Variants in RBMS1 observed in about 807,000 individuals in gnomAD.
RBMS1 encodes the protein RNA binding motif single stranded interacting protein 1, also known as RNA-binding motif, single-stranded-interacting protein 1.
In RBMS1, 17 loss-of-function variants were observed where a neutral mutation model predicts 62.3. The ratio of observed to expected loss-of-function variants is 0.27; its 90% confidence interval spans 0.19 to 0.41. The LOEUF is 0.41. RBMS1 is among the 10% of genes least tolerant of loss of function. The pLI, the probability that RBMS1 is intolerant of heterozygous loss-of-function variation, is 1.00. For missense variants in RBMS1, 334 were observed against 504.5 expected (o/e 0.66, Z 3.24); for synonymous variants, 172 against 170.0 (o/e 1.01, Z -0.09).
At chr2:160,401,452 C>T (rs1695419925) in intron 1 of RBMS1, among the ~76,000 whole-genome samples, 1 of 152,164 alleles carries the variant, frequency 6.6e-6, no homozygotes, top group African/African-American at 2.4e-5. Context: ...CCAGGAAATG[C>T]TTTCTTCCTT....
intron 1 of RBMS1, among the ~76,000 whole-genome samples, chr2:160,465,460 T>C (rs970365598): frequency 6.6e-6 from 1 of 152,206 alleles, no homozygotes; most frequent in Non-Finnish European, 1.5e-5. Flanking sequence ...AGCACCGCTT[T>C]TTTGGTCATC....
chr2:160,379,603 G>A (rs143634225), intron 1 of RBMS1, among the ~76,000 whole-genome samples: 26 of 152,228 alleles, frequency 1.7e-4, no homozygotes, highest in Non-Finnish European at 3.4e-4. Flanking sequence ...GCAGGATCTG[G>A]GAAATGCTTT....
At chr2:160,299,402 A>C (rs1293817445) in intron 6 of RBMS1, among the ~76,000 whole-genome samples, 1 of 152,232 alleles carries the variant, frequency 6.6e-6, no homozygotes, top group Non-Finnish European at 1.5e-5. Flanking sequence ...TTATGTTCAC[A>C]AGTTTTGTTC....
chr2:160,477,008 C>A (rs1489774434), intron 1 of RBMS1, among the ~76,000 whole-genome samples: 1 of 152,218 alleles, frequency 6.6e-6, no homozygotes, highest in East Asian at 1.9e-4. Flanking sequence ...TTGTGACTTT[C>A]TCAGTCTTTT....
chr2:160,433,209 T>C (rs1682970732), intron 1 of RBMS1, among the ~76,000 whole-genome samples: 1 of 151,368 alleles, frequency 6.6e-6, no homozygotes, highest in African/African-American at 2.4e-5. Context: ...GGCTCAAGAG[T>C]TCAAGACCAG....
chr2:160,457,030 G>C (rs947122464), intron 1 of RBMS1, among the ~76,000 whole-genome samples: 1 of 151,890 alleles, frequency 6.6e-6, no homozygotes, highest in African/African-American at 2.4e-5. Flanking sequence ...CTTATTAGAG[G>C]CTGAAAAGAT....
intron 1 of RBMS1, among the ~76,000 whole-genome samples, chr2:160,392,540 G>A (rs1049327991): frequency 1.3e-5 from 2 of 151,214 alleles, no homozygotes; most frequent in Admixed American, 6.6e-5. Context: ...TTTATTGCTT[G>A]TTTCTCTCGA....
intron 1 of RBMS1, among the ~76,000 whole-genome samples, chr2:160,435,519 G>C (rs929087237): frequency 6.6e-6 from 1 of 152,160 alleles, no homozygotes; most frequent in Non-Finnish European, 1.5e-5. Flanking sequence ...ATATTTTACT[G>C]TTTAATAGTT....
At chr2:160,300,874 T>G in intron 5 of RBMS1, 144 bp from the exon 6 acceptor site, 4 of 912,500 alleles carry the variant, frequency 4.4e-6, no homozygotes, top group Non-Finnish European at 6.1e-6. Context: ...GGGTCTATTC[T>G]ACCTTTTATC....
chr2:160,429,953 G>C (rs1167830394), intron 1 of RBMS1, among the ~76,000 whole-genome samples: 4 of 152,234 alleles, frequency 2.6e-5, no homozygotes, highest in African/African-American at 9.6e-5. Flanking sequence ...GAGGCTTTCA[G>C]CCAATCACCC....
intron 1 of RBMS1, among the ~76,000 whole-genome samples, chr2:160,490,819 T>C (rs908808907): frequency 6.6e-6 from 1 of 152,190 alleles, no homozygotes; most frequent in Admixed American, 6.5e-5. Flanking sequence ...TAGATGACCA[T>C]GCCATTCTTC....
At chr2:160,281,416 C>T (rs1322577013) in intron 9 of RBMS1, 52 bp from the exon 10 acceptor site, 3 of 1,414,226 alleles carry the variant, frequency 2.1e-6, no homozygotes, top group South Asian at 2.4e-5. Flanking sequence ...GTAAAGCTTA[C>T]CTATTTCTTT....
intron 1 of RBMS1, among the ~76,000 whole-genome samples, chr2:160,425,611 G>C (rs1486706213): frequency 6.6e-6 from 1 of 152,176 alleles, no homozygotes; most frequent in Non-Finnish European, 1.5e-5. Flanking sequence ...GACTCAGAGA[G>C]TAGAAGAATG....
chr2:160,280,346 C>T (rs1445792925), intron 10 of RBMS1, among the ~76,000 whole-genome samples: 2 of 152,126 alleles, frequency 1.3e-5, no homozygotes, highest in East Asian at 1.9e-4. Context: ...TATATCAGAG[C>T]GCGCCTCTCC....
intron 2 of RBMS1, among the ~76,000 whole-genome samples, chr2:160,342,551 T>A (rs2105995870): frequency 6.6e-6 from 1 of 152,122 alleles, no homozygotes; most frequent in South Asian, 2.1e-4. Context: ...TATATATATA[T>A]GTGTGAAAAA....
intron 1 of RBMS1, among the ~76,000 whole-genome samples, chr2:160,384,090 G>C (rs1000082799): frequency 6.6e-6 from 1 of 152,186 alleles, no homozygotes; most frequent in African/African-American, 2.4e-5. Flanking sequence ...CCAGCTACTA[G>C]GGAGGCTGAG....
intron 2 of RBMS1, among the ~76,000 whole-genome samples, chr2:160,330,896 A>T (rs1353309873): frequency 6.6e-6 from 1 of 152,194 alleles, no homozygotes; most frequent in Non-Finnish European, 1.5e-5. Flanking sequence ...TGAGTCTCTC[A>T]GGGTAGGCCC....
intron 1 of RBMS1, among the ~76,000 whole-genome samples, chr2:160,444,286 T>C (rs775969845): frequency 3.3e-5 from 5 of 152,234 alleles, no homozygotes; most frequent in Non-Finnish European, 7.3e-5. Flanking sequence ...TTTCAAAGCA[T>C]ACTCTGAATC....
chr2:160,281,513 A>T (rs1025473974), intron 9 of RBMS1, 149 bp from the exon 10 acceptor site: 1 of 585,402 alleles, frequency 1.7e-6, no homozygotes, highest in African/African-American at 1.9e-5. Context: ...AGGCAGTTAG[A>T]ATTCTTGGCA....
Sources: allele counts gnomAD v4.1 joint callset (sites outside exome capture counted in the v4.1 genomes callset), GRCh38; gene constraint gnomAD v4.1.1; transcripts MANE v1.5; gene names NCBI Gene and HGNC (gene_info 2026-07-23, HGNC 2026-07-21).